FUT8: variants seen among roughly 807,000 people sequenced by gnomAD.
FUT8 encodes the protein fucosyltransferase 8.
A neutral mutation model predicts 71.3 loss-of-function variants in FUT8; 29 were observed. The ratio of observed to expected loss-of-function variants is 0.41; its 90% CI spans 0.30 to 0.55. The LOEUF (loss-of-function observed/expected upper bound fraction) is 0.55, where lower values mean the gene tolerates loss of function less well. FUT8 is among the 20% of genes least tolerant of loss of function. The pLI, the probability that FUT8 is intolerant of heterozygous loss-of-function variation, is 0.34. For missense variants in FUT8, 544 were observed against 702.1 expected (o/e 0.77, Z 2.55); for synonymous variants, 254 against 239.3 (o/e 1.06, Z -0.57).
At chr14:65,671,692 A>G (rs577861016) in intron 7 of FUT8, among the ~76,000 whole-genome samples, 6 of 152,348 alleles carry the variant, frequency 3.9e-5, no homozygotes, top group African/African-American at 9.6e-5. Flanking sequence ...TTAGATACCA[A>G]TCTTTTATCT....
At chr14:65,389,468 A>G in the FUT8 span, among the ~76,000 whole-genome samples, 16 of 151,756 alleles carry the variant, frequency 1.1e-4, no homozygotes, top group Non-Finnish European at 1.9e-4. Context: ...CTTGCCAACA[A>G]GCCCGGCTAA....
chr14:65,741,670 T>C (rs1896508511), intron 10 of FUT8, among the ~76,000 whole-genome samples: 1 of 152,046 alleles, frequency 6.6e-6, no homozygotes, highest in Non-Finnish European at 1.5e-5. Flanking sequence ...AGCATTTATT[T>C]GTGTTAAGTT....
At chr14:65,591,797 T>A (rs1365910567) in intron 3 of FUT8, among the ~76,000 whole-genome samples, 1 of 151,864 alleles carries the variant, frequency 6.6e-6, no homozygotes. Context: ...TATTGTGGCA[T>A]GTAAACCAAG....
intron 6 of FUT8, among the ~76,000 whole-genome samples, chr14:65,650,046 C>T (rs1891292520): frequency 6.6e-6 from 1 of 152,078 alleles, no homozygotes; most frequent in Admixed American, 6.5e-5. Flanking sequence ...CCTGTAATGC[C>T]AGCACTTTGG....
intron 1 of FUT8, among the ~76,000 whole-genome samples, chr14:65,418,148 G>C (rs1048214755): frequency 6.6e-6 from 1 of 152,170 alleles, no homozygotes; most frequent in African/African-American, 2.4e-5. Flanking sequence ...TAAACTTCAT[G>C]ATATAAACTT....
In FUT8 at chr14:65,627,068, G is replaced by A. The variant is rs114036705; in HGVS notation, c.483-2424G>A. ...TTTCATTCATCTAAAGATATTTATC[G>A]AATATTTTGTCTGTGACATGCACTG... On this transcript the variant is annotated intron_variant, in intron 5 of 10. Transcript: ENST00000673929. This position sits in a 1 kb window ranked among gnomAD's most constrained non-coding sequence, Gnocchi z 4.0. Among the ~76,000 whole-genome samples, 530 of 151,948 alleles carry A rather than the reference G, an allele frequency of 3.5e-3. 2 individuals carry two copies. The highest frequency in any genetic ancestry group is 0.012 in the African/African-American group (502 of 41,428).
the FUT8 span, among the ~76,000 whole-genome samples, chr14:65,401,329 C>T: frequency 1.0e-3 from 159 of 152,312 alleles, 1 homozygote; most frequent in African/African-American, 3.6e-3. Context: ...CAGCCAGTTC[C>T]TGTGTTTGCT....
In FUT8 at chr14:65,468,479, A is replaced by G. The variant is rs74056790; in HGVS notation, c.-228+12761A>G. ...AAGAGAAAGTTTGATCTAATTCTTT[A>G]TTTCTCTGTGGATAAGATGTTTTCT... On this transcript the variant is annotated intron_variant, in intron 2 of 10. Coordinates refer to ENST00000673929, the MANE Select transcript of FUT8 (RefSeq NM_001371533.1). 3.4e-3 allele frequency: 952 copies of G among 282,150 alleles called. 16 individuals carry two copies. The highest frequency in any genetic ancestry group is 0.023 in the African/African-American group (886 of 38,288). 17.5% of individuals were successfully genotyped at this position (282,150 alleles called of 1,614,324 possible). A position where few individuals can be genotyped will look rare whatever the true frequency, so the allele number is the denominator to read the frequency against.
chr14:65,493,877 G>T (rs1336592369), intron 2 of FUT8, among the ~76,000 whole-genome samples: 1 of 152,066 alleles, frequency 6.6e-6, no homozygotes, highest in Non-Finnish European at 1.5e-5. Flanking sequence ...TGGAAGTGGG[G>T]AGGAGGTGAA....
intron 1 of FUT8, among the ~76,000 whole-genome samples, chr14:65,449,702 A>G (rs1187076602): frequency 2.6e-5 from 4 of 152,196 alleles, no homozygotes; most frequent in Non-Finnish European, 5.9e-5. Flanking sequence ...TTTCAATAGT[A>G]AAATTCTTCA....
chr14:65,508,337 T>C (rs985558402), intron 2 of FUT8, among the ~76,000 whole-genome samples: 1 of 151,882 alleles, frequency 6.6e-6, no homozygotes, highest in African/African-American at 2.4e-5. Context: ...CCCAAAGTGC[T>C]AGGATTACAG....
chr14:65,517,153 T>G (rs1239544642), intron 2 of FUT8, among the ~76,000 whole-genome samples: 2 of 152,140 alleles, frequency 1.3e-5, no homozygotes, highest in Non-Finnish European at 2.9e-5. Flanking sequence ...TTTTGGCTAT[T>G]GTGAATAATT....
intron 7 of FUT8, among the ~76,000 whole-genome samples, chr14:65,670,827 G>T (rs1892441951): frequency 6.6e-6 from 1 of 152,110 alleles, no homozygotes; most frequent in South Asian, 2.1e-4. Context: ...GGTCCTGTAT[G>T]GATTAAAAGT....
chr14:65,724,062 C>T, intron 8 of FUT8, 85 bp from the exon 9 acceptor site: 2 of 975,116 alleles, frequency 2.1e-6, no homozygotes, highest in Non-Finnish European at 2.9e-6. Context: ...GCCTATAATG[C>T]CACCATAAGT....
intron 2 of FUT8, among the ~76,000 whole-genome samples, chr14:65,538,701 C>G (rs958000787): frequency 6.6e-6 from 1 of 152,138 alleles, no homozygotes; most frequent in African/African-American, 2.4e-5. Context: ...AGGTGGATTG[C>G]CTGAGGTCAG....
intron 2 of FUT8, among the ~76,000 whole-genome samples, chr14:65,517,486 A>G (rs896515823): frequency 6.6e-6 from 1 of 152,176 alleles, no homozygotes; most frequent in Non-Finnish European, 1.5e-5. Flanking sequence ...GCAAACCAGC[A>G]TCGTTTCTTG....
intron 7 of FUT8, among the ~76,000 whole-genome samples, chr14:65,703,916 AT>A (rs1894436632): frequency 6.6e-6 from 1 of 152,228 alleles, no homozygotes; most frequent in Non-Finnish European, 1.5e-5. Flanking sequence ...CTTTCCTCAT[AT>A]TCCATAGAAA....
At chr14:65,727,099 C>A (rs1357325013) in intron 9 of FUT8, among the ~76,000 whole-genome samples, 1 of 152,200 alleles carries the variant, frequency 6.6e-6, no homozygotes. Context: ...GTATAGCCCC[C>A]CTCCTGGCTG....
At chr14:65,431,509 T>C (rs1332980306) in intron 1 of FUT8, among the ~76,000 whole-genome samples, 1 of 151,880 alleles carries the variant, frequency 6.6e-6, no homozygotes, top group Non-Finnish European at 1.5e-5. Context: ...GGCTGGGTTT[T>C]GCCACATTGC....
Sources: gnomAD v4.1 joint callset for allele counts (sites outside exome capture counted in the v4.1 genomes callset) on GRCh38, gnomAD v4.1.1 for gene constraint, Gnocchi (gnomAD v3.1) non-coding constraint, MANE v1.5 for transcripts, NCBI Gene and HGNC (gene_info 2026-07-23, HGNC 2026-07-21) for gene names.